PEBP4: variants seen among roughly 807,000 people sequenced by gnomAD.
PEBP4 encodes the protein phosphatidylethanolamine binding protein 4.
Under a neutral mutation model 23.9 loss-of-function variants are expected in PEBP4, and 22 were observed. The ratio of observed to expected loss-of-function variants is 0.92; its 90% confidence interval spans 0.66 to 1.31. The LOEUF (loss-of-function observed/expected upper bound fraction) is 1.31. Ranked by LOEUF, PEBP4 falls within the 40% of genes most tolerant of loss-of-function variation. PEBP4 has a pLI of 0.00. For missense variants in PEBP4, 324 were observed against 281.7 expected (o/e 1.15, Z -1.07); for synonymous variants, 112 against 99.3 (o/e 1.13, Z -0.76).
chr8:22,724,893 A>C lies in PEBP4; in HGVS notation c.467T>G (p.Leu156Arg). The C allele has an allele frequency of 6.2e-7, 1 of 1,614,126 alleles. No individual in the cohort carries two copies. The highest frequency in any genetic ancestry group is 8.5e-7 in the Non-Finnish European group (1 of 1,179,998). ...GFHRYQFFVY[L>R]QEGKVISLLP... ...GAGAGAGATGACTTTTCCTTCCTGA[A>C]GATAGACAAAGAACTGGTAGCGATG... Residue 156 changes from leucine (L) to arginine (R), a missense_variant, in exon 6 of 7, where the codon CTT becomes CGT. Coordinates refer to ENST00000256404, the MANE Select transcript of PEBP4 (RefSeq NM_144962.3).
chr8:22,774,672 G>A (rs1304067829), intron 4 of PEBP4, among the ~76,000 whole-genome samples: 2 of 152,190 alleles, frequency 1.3e-5, no homozygotes, highest in East Asian at 3.8e-4. Flanking sequence ...CATGACATGA[G>A]GCTTCGGGGA....
At chr8:22,760,638 G>A (rs1805488675) in intron 4 of PEBP4, among the ~76,000 whole-genome samples, 2 of 152,104 alleles carry the variant, frequency 1.3e-5, no homozygotes, top group Admixed American at 1.3e-4. Context: ...AGAGGCCTGG[G>A]AAGGAAAGTG....
At chr8:22,901,745 TGAAAA>T in intron 3 of PEBP4, among the ~76,000 whole-genome samples, 1 of 152,276 alleles carries the variant, frequency 6.6e-6, no homozygotes. Flanking sequence ...TGGCCACTGT[TGAAAA>T]GAAATACTTG....
chr8:22,752,991 G>A (rs1440329305), intron 4 of PEBP4, among the ~76,000 whole-genome samples: 1 of 152,126 alleles, frequency 6.6e-6, no homozygotes, highest in East Asian at 1.9e-4. Flanking sequence ...TTTCCCCATT[G>A]CCCAAGTTGA....
At chr8:22,927,375 C>G (rs1038669613) in intron 2 of PEBP4, among the ~76,000 whole-genome samples, 1 of 152,128 alleles carries the variant, frequency 6.6e-6, no homozygotes, top group African/African-American at 2.4e-5. Flanking sequence ...GGGAGAGGTG[C>G]ATTCTGGAAG....
chr8:22,800,745 C>A (rs980473233), intron 4 of PEBP4, among the ~76,000 whole-genome samples: 8 of 152,138 alleles, frequency 5.3e-5, no homozygotes, highest in African/African-American at 1.9e-4. Context: ...ATACCCAGAG[C>A]TGAGTGTCCT....
At chr8:22,732,992 T>TA (rs1384746141) in intron 4 of PEBP4, among the ~76,000 whole-genome samples, 2 of 152,220 alleles carry the variant, frequency 1.3e-5, no homozygotes, top group African/African-American at 4.8e-5. Context: ...TTCCCAGACT[T>TA]GTCCCGTCTG....
intron 3 of PEBP4, among the ~76,000 whole-genome samples, chr8:22,900,289 CA>C (rs1014038110): frequency 2.4e-4 from 37 of 152,284 alleles, no homozygotes; most frequent in African/African-American, 8.7e-4. Context: ...GAAAGAGCTC[CA>C]AATACTCTAA....
chr8:22,927,753 C>A (rs1809380213), intron 1 of PEBP4, 33 bp from the exon 2 acceptor site: 1 of 1,612,056 alleles, frequency 6.2e-7, no homozygotes. Flanking sequence ...GCGGCTGGAT[C>A]CCCTGCAGGG....
chr8:22,794,147 AT>A (rs1430810936), intron 4 of PEBP4, among the ~76,000 whole-genome samples: 6 of 152,076 alleles, frequency 3.9e-5, no homozygotes, highest in Admixed American at 2.6e-4. Context: ...TCCTTTGCTC[AT>A]TTTTCTACTT....
At chr8:22,771,962 C>T (rs1188421590) in intron 4 of PEBP4, among the ~76,000 whole-genome samples, 1 of 152,244 alleles carries the variant, frequency 6.6e-6, no homozygotes, top group Non-Finnish European at 1.5e-5. Context: ...AGTCATGAAG[C>T]TATAATGCTG....
At chr8:22,725,442 G>A (rs1197699663) in intron 5 of PEBP4, among the ~76,000 whole-genome samples, 3 of 152,176 alleles carry the variant, frequency 2.0e-5, no homozygotes, top group African/African-American at 7.2e-5. Flanking sequence ...TTACGAGGGT[G>A]GGTGGGACTG....
intron 4 of PEBP4, among the ~76,000 whole-genome samples, chr8:22,815,516 T>G (rs1806720770): frequency 6.6e-6 from 1 of 152,236 alleles, no homozygotes; most frequent in Admixed American, 6.5e-5. Flanking sequence ...TAAATGAATT[T>G]GGTTGACACC....
At chr8:22,921,978 C>A (rs376873182) in intron 2 of PEBP4, among the ~76,000 whole-genome samples, 1 of 152,208 alleles carries the variant, frequency 6.6e-6, no homozygotes, top group Admixed American at 6.5e-5. Context: ...GACGCCCTCA[C>A]GCCCATAACC....
intron 3 of PEBP4, among the ~76,000 whole-genome samples, chr8:22,912,693 T>C (rs1808967645): frequency 6.6e-6 from 1 of 152,210 alleles, no homozygotes; most frequent in African/African-American, 2.4e-5. Context: ...AACCTGAACA[T>C]CTAACTGCAA....
At chr8:22,752,921 C>T (rs1467664891) in intron 4 of PEBP4, among the ~76,000 whole-genome samples, 2 of 152,238 alleles carry the variant, frequency 1.3e-5, no homozygotes, top group Non-Finnish European at 2.9e-5. Context: ...CCAATTTCTC[C>T]TTCCTTCACC....
At chr8:22,734,771 G>C (rs1440688829) in intron 4 of PEBP4, among the ~76,000 whole-genome samples, 1 of 152,142 alleles carries the variant, frequency 6.6e-6, no homozygotes, top group Non-Finnish European at 1.5e-5. Flanking sequence ...GATAAGACAA[G>C]GGAGGGGAAG....
At chr8:22,936,129 A>G (rs769112091) in intron 1 of PEBP4, among the ~76,000 whole-genome samples, 3 of 151,982 alleles carry the variant, frequency 2.0e-5, no homozygotes, top group Admixed American at 6.5e-5. Context: ...AACAAAACCA[A>G]AAGTTGGTTC....
chr8:22,825,678 A>C (rs1175117123), intron 3 of PEBP4, among the ~76,000 whole-genome samples: 1 of 152,172 alleles, frequency 6.6e-6, no homozygotes, highest in Non-Finnish European at 1.5e-5. Flanking sequence ...CTATCTAGAC[A>C]TACCATAAAA....
Sources: allele counts gnomAD v4.1 joint callset (sites outside exome capture counted in the v4.1 genomes callset), GRCh38; gene constraint gnomAD v4.1.1; transcripts MANE v1.5; gene names NCBI Gene and HGNC (gene_info 2026-07-23, HGNC 2026-07-21).